ATP8A2: variants seen among roughly 807,000 people sequenced by gnomAD.
ATP8A2 encodes ATPase phospholipid transporting 8A2, also known as phospholipid-transporting ATPase IB.
In ATP8A2, 100 loss-of-function variants were observed where a neutral mutation model predicts 165.6. The ratio of observed to expected loss-of-function variants is 0.60; its 90% CI spans 0.51 to 0.71. The LOEUF (loss-of-function observed/expected upper bound fraction) is 0.71. ATP8A2 is among the 30% of genes least tolerant of loss of function. The pLI is 0.00. For missense variants in ATP8A2, 1,227 were observed against 1,479.5 expected (o/e 0.83, Z 2.80); for synonymous variants, 543 against 548.8 (o/e 0.99, Z 0.15).
At chr13:25,508,738 T>G (rs1319067060) in intron 2 of ATP8A2, among the ~76,000 whole-genome samples, 2 of 152,244 alleles carry the variant, frequency 1.3e-5, no homozygotes, top group African/African-American at 2.4e-5. Context: ...ATGATGCATA[T>G]ATCCACAGAA....
At chr13:25,761,102 C>T (rs1052991568) in intron 25 of ATP8A2, among the ~76,000 whole-genome samples, 1 of 152,174 alleles carries the variant, frequency 6.6e-6, no homozygotes, top group Admixed American at 6.5e-5. Flanking sequence ...TGTTCAACTG[C>T]AGTGTCACTG....
chr13:25,648,706 A>G (rs1178074924), intron 24 of ATP8A2, among the ~76,000 whole-genome samples: 1 of 152,220 alleles, frequency 6.6e-6, no homozygotes, highest in African/African-American at 2.4e-5. Context: ...GTTTTTGTAT[A>G]AAGCCTATGC....
At position 25,410,540 on chromosome 13, in the gene ATP8A2, G is replaced by C. The variant is rs114532582; in HGVS notation, c.76+38252G>C. Among the ~76,000 whole-genome samples the C allele has an allele frequency of 5.3e-3, 801 of 152,308 alleles. 7 individuals carry two copies. Among genetic ancestry groups the C allele is most frequent in the African/African-American group, 0.019 (769 of 41,562 alleles). On this transcript the variant is annotated intron_variant, in intron 1 of 36. Transcript: ENST00000381655. ...TCAGTTCATTCTAAACAAAGTAAAA[G>C]GATTAGTACCTTGTACAGCAGATCT...
chr13:26,013,930 G>T (rs946716179), intron 36 of ATP8A2, among the ~76,000 whole-genome samples: 2 of 152,182 alleles, frequency 1.3e-5, no homozygotes, highest in African/African-American at 4.8e-5. Context: ...GTCCTTTAAT[G>T]CTCCACTGCC....
chr13:25,878,697 C>T (rs1952886628), intron 33 of ATP8A2, among the ~76,000 whole-genome samples: 1 of 152,058 alleles, frequency 6.6e-6, no homozygotes, highest in Non-Finnish European at 1.5e-5. Flanking sequence ...TTTTACCCAG[C>T]CCCTATTCAA....
At chr13:25,860,480 C>T (rs144907470) in intron 31 of ATP8A2, among the ~76,000 whole-genome samples, 18 of 152,240 alleles carry the variant, frequency 1.2e-4, no homozygotes, top group South Asian at 4.2e-4. Flanking sequence ...TAACAGATTT[C>T]CCCATTCTTC....
chr13:25,893,935 T>C (rs1953457166), intron 33 of ATP8A2, among the ~76,000 whole-genome samples: 1 of 152,008 alleles, frequency 6.6e-6, no homozygotes, highest in East Asian at 1.9e-4. Context: ...GAGTTCATTG[T>C]AGATTCTGGA....
intron 35 of ATP8A2, among the ~76,000 whole-genome samples, chr13:25,997,846 T>C (rs1956545394): frequency 6.6e-6 from 1 of 152,224 alleles, no homozygotes; most frequent in East Asian, 1.9e-4. Context: ...TCATAATTAC[T>C]TATTGAAACA....
chr13:25,975,468 G>C (rs555061618), intron 35 of ATP8A2, among the ~76,000 whole-genome samples: 1,535 of 151,958 alleles, frequency 0.01, 6 homozygotes, highest in Non-Finnish European at 0.016. Flanking sequence ...TGTAGTCCCA[G>C]CTACTCAGGA....
chr13:25,375,614 T>C (rs1006847338), intron 1 of ATP8A2, among the ~76,000 whole-genome samples: 1 of 151,728 alleles, frequency 6.6e-6, no homozygotes, highest in African/African-American at 2.4e-5. Context: ...GAGCCTGTCG[T>C]CAGGCTGGAG....
Position 25,553,776 on chromosome 13 carries a change from C to T in ATP8A2, c.1058-17C>T, listed in dbSNP as rs2038894662. 1 of 1,607,850 alleles carries T rather than the reference C, an allele frequency of 6.2e-7. No individual in the cohort carries two copies. Among genetic ancestry groups the T allele is most frequent in the African/African-American group, 1.3e-5 (1 of 74,630 alleles). ...TGGTTGTGAACACCTTTCAGATACT[C>T]TGGTTTCCTTCCACAGACACCACCT... On this transcript the variant is annotated splice_polypyrimidine_tract_variant and intron_variant, in intron 11 of 36. Transcript: ENST00000381655.
chr13:25,582,047 C>A, intron 23 of ATP8A2, 90 bp downstream of exon 23: 2 of 1,262,408 alleles, frequency 1.6e-6, no homozygotes, highest in South Asian at 1.5e-5. Flanking sequence ...TTCTCAAATT[C>A]ATTGACAGAT....
At position 25,781,703 on chromosome 13, in the gene ATP8A2, G is replaced by C. The variant is rs146339652; in HGVS notation, c.2679+6744G>C. ...GACAAGTTTTCACCGTGTTGGACAG[G>C]CTGGTCTCAAACTCCTGACCTCAAG... On this transcript the variant is annotated intron_variant, in intron 27 of 36. Transcript: ENST00000381655. Among the ~76,000 whole-genome samples the C allele has an allele frequency of 7.6e-3, 1,153 of 152,154 alleles. 9 individuals are homozygous for C. The highest frequency in any genetic ancestry group is 0.011 in the Non-Finnish European group (749 of 68,008).
intron 25 of ATP8A2, among the ~76,000 whole-genome samples, chr13:25,709,683 T>C: frequency 6.6e-6 from 1 of 152,182 alleles, no homozygotes; most frequent in East Asian, 1.9e-4. Flanking sequence ...TTAACAATAA[T>C]ATAGAAGCAG....
intron 2 of ATP8A2, among the ~76,000 whole-genome samples, chr13:25,524,836 G>T (rs1383654151): frequency 2.0e-5 from 3 of 151,712 alleles, no homozygotes; most frequent in African/African-American, 7.3e-5. Flanking sequence ...TCATTGATAA[G>T]TAAGGACTTA....
chr13:25,502,749 C>T (rs2036894484), intron 2 of ATP8A2, among the ~76,000 whole-genome samples: 3 of 152,204 alleles, frequency 2.0e-5, no homozygotes, highest in African/African-American at 7.2e-5. Flanking sequence ...GTATCACCTG[C>T]TTGTTATGGC....
At chr13:25,833,775 C>A (rs567717694) in intron 28 of ATP8A2, among the ~76,000 whole-genome samples, 197 of 152,288 alleles carry the variant, frequency 1.3e-3, no homozygotes, top group African/African-American at 4.7e-3. Context: ...GGAAGAGTAA[C>A]TTCTGTAGCC....
intron 25 of ATP8A2, among the ~76,000 whole-genome samples, chr13:25,748,301 A>C (rs1237527558): frequency 2.6e-5 from 4 of 152,212 alleles, no homozygotes; most frequent in Admixed American, 2.0e-4. Context: ...AGTTCTGCCA[A>C]AGTATTTTGA....
intron 10 of ATP8A2, among the ~76,000 whole-genome samples, chr13:25,545,591 C>G (rs1217470367): frequency 1.3e-5 from 2 of 152,144 alleles, no homozygotes; most frequent in Non-Finnish European, 2.9e-5. Context: ...TTGCTGCACG[C>G]TTTGGGAGCT....
Sources: gnomAD v4.1 joint callset for allele counts (sites outside exome capture counted in the v4.1 genomes callset) on GRCh38, gnomAD v4.1.1 for gene constraint, MANE v1.5 for transcripts, NCBI Gene and HGNC (gene_info 2026-07-23, HGNC 2026-07-21) for gene names.